The following FRMPD4 variants were observed in gnomAD, a reference collection of about 807,000 sequenced individuals.
FRMPD4 encodes FERM and PDZ domain containing 4, also known as FERM and PDZ domain-containing protein 4.
A neutral mutation model predicts 94.1 loss-of-function variants in FRMPD4; 22 were observed. That is an observed-to-expected ratio of 0.23 (90% CI 0.17 to 0.33). The LOEUF (loss-of-function observed/expected upper bound fraction) is 0.33, where lower values mean the gene tolerates loss of function less well. Among genes scored for constraint, FRMPD4 ranks in the 10% least tolerant of loss-of-function variants. The probability of loss-of-function intolerance (pLI) is 1.00; values close to 1 mark genes in which losing one functional copy is unlikely to be tolerated. For synonymous variants in FRMPD4, 631 were observed against 548.6 expected, an observed-to-expected ratio of 1.15 and a Z score of -2.10; for missense variants, 1,111 against 1,339.9, an observed-to-expected ratio of 0.83 and a Z score of 2.67.
chrX:12,151,166 C>T (rs1227929709), intron 1 of FRMPD4, among the ~76,000 whole-genome samples: 2 of 111,274 alleles, frequency 1.8e-5, no homozygotes, highest in African/African-American at 6.5e-5. Flanking sequence ...AGAAAGATCT[C>T]TGAATACGTT....
chrX:12,677,476 G>GT lies in FRMPD4; in HGVS notation c.468+2569dup, dbSNP rs1385241942. ...TTTTACTACAAGCAAGTTGCTTTTT[G>GT]TAAAAAAAAAAAAAAAAAATACTTA... is the stretch of plus-strand genomic sequence containing the variant. On this transcript the variant is annotated intron_variant, in intron 5 of 16. Transcript: ENST00000675598. Among the ~76,000 whole-genome samples the GT allele has an allele frequency of 3.8e-4, 13 of 34,389 alleles. No individual in the cohort carries two copies. The East Asian group carries it at 7.4e-3, about 20-fold the overall frequency. 29.9% of individuals were successfully genotyped at this position (34,389 alleles called of 115,157 possible). A position where few individuals can be genotyped will look rare whatever the true frequency, so the allele number is the denominator to read the frequency against.
intron 3 of FRMPD4, among the ~76,000 whole-genome samples, chrX:12,009,839 G>C (rs1290811374): frequency 1.8e-5 from 2 of 111,940 alleles, no homozygotes; most frequent in Non-Finnish European, 3.8e-5. Flanking sequence ...TACTTTGGTC[G>C]ATGTGGGAGA....
intron 3 of FRMPD4, among the ~76,000 whole-genome samples, chrX:11,898,770 G>A (rs994613794): frequency 1.7e-4 from 19 of 112,105 alleles, no homozygotes; most frequent in African/African-American, 6.2e-4. Flanking sequence ...GTAGGGAGAA[G>A]TAGGATTCTG....
At chrX:12,342,731 G>A (rs1030613540) in intron 1 of FRMPD4, among the ~76,000 whole-genome samples, 7 of 112,237 alleles carry the variant, frequency 6.2e-5, no homozygotes, top group African/African-American at 1.6e-4. Flanking sequence ...CTTTATAGAG[G>A]GCTGTAAAGA....
At chrX:12,141,410 A>G (rs1284094765) in intron 1 of FRMPD4, among the ~76,000 whole-genome samples, 2 of 112,241 alleles carry the variant, frequency 1.8e-5, no homozygotes, top group Non-Finnish European at 3.8e-5. Context: ...GTGAGTAAAG[A>G]CAGTGTAATT....
chrX:12,476,141 G>T (rs974734624), intron 1 of FRMPD4, among the ~76,000 whole-genome samples: 1 of 111,283 alleles, frequency 9.0e-6, no homozygotes, highest in Non-Finnish European at 1.9e-5. Flanking sequence ...ACAGAACAGA[G>T]CCCTCAGAAA....
chrX:12,007,073 A>G (rs2054557605), intron 3 of FRMPD4, among the ~76,000 whole-genome samples: 1 of 111,926 alleles, frequency 8.9e-6, no homozygotes, highest in Admixed American at 9.5e-5. Flanking sequence ...AATAGAATTC[A>G]TTGCGATGCT....
At chrX:12,525,737 C>T (rs2058216425) in intron 2 of FRMPD4, among the ~76,000 whole-genome samples, 2 of 111,871 alleles carry the variant, frequency 1.8e-5, no homozygotes, top group African/African-American at 3.2e-5. Context: ...TTCCATTTGA[C>T]GTTCTTACCA....
At chrX:12,474,930 G>C (rs1037698216) in intron 1 of FRMPD4, among the ~76,000 whole-genome samples, 2 of 111,586 alleles carry the variant, frequency 1.8e-5, no homozygotes, top group African/African-American at 6.5e-5. Flanking sequence ...CCAATCAATA[G>C]AAAAAGAGGG....
intron 1 of FRMPD4, among the ~76,000 whole-genome samples, chrX:12,455,718 A>C (rs1283387218): frequency 2.7e-5 from 3 of 112,025 alleles, no homozygotes; most frequent in Non-Finnish European, 3.8e-5. Context: ...GTCTAGATTC[A>C]ATCTTAATGC....
chrX:12,308,931 G>A (rs986922939), intron 1 of FRMPD4, among the ~76,000 whole-genome samples: 7 of 112,883 alleles, frequency 6.2e-5, no homozygotes, highest in Non-Finnish European at 1.1e-4. Flanking sequence ...TTCTTCCCCT[G>A]GCAGTTCAAC....
At chrX:12,499,551 C>T (rs2057893935) in intron 2 of FRMPD4, among the ~76,000 whole-genome samples, 1 of 112,226 alleles carries the variant, frequency 8.9e-6, no homozygotes, top group South Asian at 3.7e-4. Context: ...CCCCTGGTGA[C>T]ATCTATTCTA....
chrX:12,521,868 T>G (rs2058164776), intron 2 of FRMPD4, among the ~76,000 whole-genome samples: 1 of 107,030 alleles, frequency 9.3e-6, no homozygotes, highest in Non-Finnish European at 1.9e-5. Context: ...AGCTTTTAAA[T>G]TCCTATAAGG....
intron 1 of FRMPD4, among the ~76,000 whole-genome samples, chrX:12,463,692 G>GTT (rs1235218164): frequency 0.039 from 3,216 of 81,695 alleles, 257 homozygotes; most frequent in African/African-American, 0.15. Context: ...TTTTTTTTTT[G>GTT]TTTTTGTTTT....
chrX:12,659,794 A>G (rs1255507477), intron 4 of FRMPD4, among the ~76,000 whole-genome samples: 1 of 112,488 alleles, frequency 8.9e-6, no homozygotes, highest in Non-Finnish European at 1.9e-5. Context: ...TAGAAGCACT[A>G]TTTTCATCCA....
In FRMPD4 at chrX:12,435,307, T is replaced by A. The variant is rs2057052952; in HGVS notation, c.42-63373T>A. Reference sequence around the variant, plus strand: ...TTCCTTTACAATCCTAAAACATTTTTAAATCACTCTGTTAACTGGAATCTC... The same window carrying A: ...TTCCTTTACAATCCTAAAACATTTTAAAATCACTCTGTTAACTGGAATCTC... On this transcript the variant is annotated intron_variant, in intron 1 of 16. Transcript: ENST00000675598. Among the ~76,000 whole-genome samples, 5 of 111,971 alleles carry A rather than the reference T, an allele frequency of 4.5e-5. No individual in the cohort carries two copies. In the South Asian group the frequency reaches 1.9e-3, roughly 42 times the overall value.
intron 1 of FRMPD4, among the ~76,000 whole-genome samples, chrX:12,493,917 A>G (rs1177344047): frequency 8.9e-6 from 1 of 112,229 alleles, no homozygotes; most frequent in Non-Finnish European, 1.9e-5. Flanking sequence ...ATTTATCTGC[A>G]TAACATCACT....
intron 1 of FRMPD4, among the ~76,000 whole-genome samples, chrX:12,260,803 A>G (rs2054178078): frequency 8.9e-6 from 1 of 111,941 alleles, no homozygotes; most frequent in Non-Finnish European, 1.9e-5. Flanking sequence ...AGTTCTCCCA[A>G]TAAAGCATGC....
At chrX:12,388,866 C>T (rs2056437675) in intron 1 of FRMPD4, among the ~76,000 whole-genome samples, 1 of 87,288 alleles carries the variant, frequency 1.1e-5, no homozygotes, top group Non-Finnish European at 2.1e-5. Context: ...CAATGGAGTA[C>T]TATTCAGCCT....
Sources: gnomAD v4.1 joint callset for allele counts (sites outside exome capture counted in the v4.1 genomes callset) on GRCh38, gnomAD v4.1.1 for gene constraint, MANE v1.5 for transcripts, NCBI Gene and HGNC (gene_info 2026-07-23, HGNC 2026-07-21) for gene names.